The following USF3 variants were observed in gnomAD, a reference collection of about 807,000 sequenced individuals.
USF3 encodes the protein upstream transcription factor family member 3.
Under a neutral mutation model 157.5 loss-of-function variants are expected in USF3, and 29 were observed. That is an observed-to-expected ratio of 0.18 (90% CI 0.14 to 0.25). USF3 has a LOEUF of 0.25. Ranked by LOEUF, USF3 falls within the 10% of genes least tolerant of loss-of-function variation. The probability of loss-of-function intolerance (pLI) is 1.00; values close to 1 mark genes in which losing one functional copy is unlikely to be tolerated. For synonymous variants in USF3, 893 were observed against 941.4 expected (o/e 0.95, Z 0.94); for missense variants, 2,381 against 2,667.6 (o/e 0.89, Z 2.37).
At position 113,656,096 on chromosome 3, in the gene USF3, A is replaced by T. The variant is rs369480361; in HGVS notation, c.5586T>A (p.His1862Gln). ...TCTCTCTTCTAATATGGACATTTTCATGAGTTGGGGGACAATTATATTCAA... is the reference window on the plus strand; with the variant it reads ...TCTCTCTTCTAATATGGACATTTTCTTGAGTTGGGGGACAATTATATTCAA... The part of the protein sequence containing the change: ...SAIEYNCPPT[H>Q]ENVHIRRESE... Residue 1862 changes from histidine to glutamine, a missense_variant, in exon 7 of 7, where the codon CAT becomes CAA. By Grantham distance (24) the His-to-Gln change is conservative. Coordinates refer to ENST00000316407, the MANE Select transcript of USF3 (RefSeq NM_001009899.4). 1 of 1,614,168 alleles carries T rather than the reference A, an allele frequency of 6.2e-7. No individual in the cohort carries two copies. Among genetic ancestry groups the T allele is most frequent in the South Asian group, 1.1e-5 (1 of 91,086 alleles).
intron 5 of USF3, among the ~76,000 whole-genome samples, chr3:113,667,202 A>T (rs951446268): frequency 6.6e-5 from 10 of 152,238 alleles, no homozygotes; most frequent in African/African-American, 2.4e-4. Flanking sequence ...GAAAAATAAT[A>T]TTGTTCTTTT....
intron 4 of USF3, 52 bp downstream of exon 4, chr3:113,673,296 T>C (rs1253510378): frequency 8.0e-7 from 1 of 1,251,376 alleles, no homozygotes; most frequent in Non-Finnish European, 1.2e-6. Flanking sequence ...TGCAGTATGA[T>C]TTCATTTTGA....
rs1324157384 is a variant in USF3 at position 113,655,861 on chromosome 3, T to G, written c.5821A>C (p.Thr1941Pro). The change falls in exon 7 of 7, where the codon ACC (threonine) becomes CCC (proline). Residue 1941 changes from threonine (T) to proline (P), a missense_variant. By Grantham distance (38) the Thr-to-Pro change is conservative. Around this residue, in one of 6 missense-constraint regions of USF3, gnomAD observed 770 missense variants for 824.2 expected, o/e 0.93. Coordinates refer to ENST00000316407, the MANE Select transcript of USF3 (RefSeq NM_001009899.4). ...TKGHMNPPVT[T>P]NMHGVARPAL... Reference sequence around the variant, plus strand: ...GGCCTTGCAACCCCATGCATGTTGGTTGTGACTGGAGGGTTCATGTGGCCC... The same window carrying G: ...GGCCTTGCAACCCCATGCATGTTGGGTGTGACTGGAGGGTTCATGTGGCCC... The G allele has an allele frequency of 6.2e-7, 1 of 1,614,042 alleles. No individual in the cohort carries two copies. The highest frequency in any genetic ancestry group is 8.5e-7 in the Non-Finnish European group (1 of 1,180,026).
chr3:113,662,570 A>G (rs1003674006), intron 6 of USF3, among the ~76,000 whole-genome samples: 8 of 152,236 alleles, frequency 5.3e-5, no homozygotes, highest in Admixed American at 2.0e-4. Context: ...CATTTTTCTT[A>G]GTTTAAAACT....
intron 1 of USF3, among the ~76,000 whole-genome samples, chr3:113,688,837 G>C (rs530638063): frequency 6.6e-6 from 1 of 152,054 alleles, no homozygotes; most frequent in Non-Finnish European, 1.5e-5. Context: ...TCAGGAGATT[G>C]AGACCATCCT....
Position 113,673,374 on chromosome 3 carries a change from T to C in USF3, c.50A>G (p.Lys17Arg), listed in dbSNP as rs530581595. ...NETPTKKQHRKKNRETHNAVE... is the reference protein window; with the variant it reads ...NETPTKKQHRRKNRETHNAVE... Reference sequence around the variant, plus strand: ...TGCATTGTGTGTCTCCCGGTTTTTCTTTCTGAAACAAAAAGTACAGATAAA... The same window carrying C: ...TGCATTGTGTGTCTCCCGGTTTTTCCTTCTGAAACAAAAAGTACAGATAAA... The change falls in exon 4 of 7, where the codon AAG becomes AGG. Residue 17 changes from lysine (K) to arginine (R), a missense_variant and splice_region_variant. This residue lies in a region of USF3 where 105 missense variants were observed against 158.6 expected (regional missense o/e 0.66). Transcript: ENST00000316407. 1.0e-5 allele frequency: 16 copies of C among 1,596,652 alleles called. No homozygotes were observed. In the African/African-American group the frequency reaches 1.2e-4, roughly 12 times the overall value.
At position 113,658,167 on chromosome 3, in the gene USF3, C is replaced by T. The variant is rs1199712121; in HGVS notation, c.3515G>A (p.Gly1172Glu). 1 of 1,614,006 alleles carries T rather than the reference C, an allele frequency of 6.2e-7. No individual in the cohort carries two copies. The highest frequency in any genetic ancestry group is 1.3e-5 in the African/African-American group (1 of 74,894). ...TATCTGTGATTTGAAGGGTGGGTCT[C>T]CCTCTAACAATGATGCTTCAGAAGG... ...SKPSEASLLE[G>E]DPPFKSQIPK... Residue 1172 changes from glycine (G) to glutamate (E), a missense_variant, in exon 7 of 7, where the codon GGA (glycine) becomes GAA (glutamate). Around this residue, in one of 6 missense-constraint regions of USF3, gnomAD observed 1,435 missense variants for 1,550.9 expected, o/e 0.93. Transcript: ENST00000316407.
intron 6 of USF3, among the ~76,000 whole-genome samples, chr3:113,663,755 C>T (rs1167106426): frequency 1.3e-5 from 2 of 152,216 alleles, no homozygotes; most frequent in African/African-American, 4.8e-5. Flanking sequence ...AGAAAACTTT[C>T]TCTCCAATGC....
intron 6 of USF3, among the ~76,000 whole-genome samples, chr3:113,663,825 G>A (rs1351312031): frequency 2.0e-5 from 3 of 152,208 alleles, no homozygotes; most frequent in Non-Finnish European, 4.4e-5. Context: ...TAAGAATCAA[G>A]TATCATTAAA....
Position 113,657,501 on chromosome 3 carries a change from T to C in USF3, c.4181A>G (p.His1394Arg), listed in dbSNP as rs1248577918. 1 of 1,613,906 alleles carries C rather than the reference T, an allele frequency of 6.2e-7. No individual in the cohort carries two copies. The highest frequency in any genetic ancestry group is 2.2e-5 in the East Asian group (1 of 44,870). Reference protein sequence around the residue: ...NSVVPVSNPAHGDGLTRLFPP... With the variant: ...NSVVPVSNPARGDGLTRLFPP... ...AAATAATCGTGTAAGGCCATCTCCA[T>C]GAGCTGGGTTGCTAACAGGCACAAC... Residue 1394 changes from histidine (H) to arginine (R), a missense_variant, in exon 7 of 7, where the codon CAT becomes CGT. His to Arg is a conservative substitution (Grantham distance 29). Around this residue, in one of 6 missense-constraint regions of USF3, gnomAD observed 1,435 missense variants for 1,550.9 expected, o/e 0.93. Transcript: ENST00000316407.
chr3:113,652,839 T>G lies in USF3; in HGVS notation c.*2105A>C, dbSNP rs190350419. 2.7e-3 allele frequency: 575 copies of G among 216,936 alleles called. 5 individuals carry two copies. Among genetic ancestry groups the G allele is most frequent in the African/African-American group, 0.012 (526 of 42,532 alleles). The allele number at this position is 216,936 out of a possible 1,614,324, so 13.4% of individuals were successfully genotyped here. ...GGTGTAGTGGCACAGACCTGTAATC[T>G]CAGCTACTCGGGAGGCTGAGGCTCA... is the stretch of plus-strand genomic sequence containing the variant. On this transcript the variant is annotated 3_prime_UTR_variant, in exon 7 of 7. Coordinates refer to ENST00000316407, the MANE Select transcript of USF3 (RefSeq NM_001009899.4).
At chr3:113,680,195 T>C (rs1257729771) in intron 1 of USF3, among the ~76,000 whole-genome samples, 1 of 151,910 alleles carries the variant, frequency 6.6e-6, no homozygotes, top group Non-Finnish European at 1.5e-5. Flanking sequence ...CTTTAGATGT[T>C]TGGTAGAATT....
intron 1 of USF3, among the ~76,000 whole-genome samples, chr3:113,695,047 AAAAAAT>A (rs1377357495): frequency 6.6e-6 from 1 of 152,186 alleles, no homozygotes; most frequent in Non-Finnish European, 1.5e-5. Flanking sequence ...TCTGTCTCAA[AAAAAAT>A]AAAAGAAAGT....
Position 113,660,006 on chromosome 3 carries a change from C to G in USF3, c.1676G>C (p.Ser559Thr). 1 of 1,614,086 alleles carries G rather than the reference C, an allele frequency of 6.2e-7. No homozygotes were observed. Among genetic ancestry groups the G allele is most frequent in the Non-Finnish European group, 8.5e-7 (1 of 1,179,998 alleles). ...NQNVIILQPP[S>T]TTPCPTVMRA... Reference sequence around the variant, plus strand: ...CATCACTGTTGGGCATGGGGTGGTGCTAGGTGGCTGAAGAATTATAACATT... The same window carrying G: ...CATCACTGTTGGGCATGGGGTGGTGGTAGGTGGCTGAAGAATTATAACATT... Residue 559 changes from serine (S) to threonine (T), a missense_variant, in exon 7 of 7, where the codon AGC becomes ACC. By Grantham distance (58) the Ser-to-Thr change is moderately conservative. Around this residue, in one of 6 missense-constraint regions of USF3, gnomAD observed 1,435 missense variants for 1,550.9 expected, o/e 0.93. Transcript: ENST00000316407.
intron 1 of USF3, among the ~76,000 whole-genome samples, chr3:113,678,542 TA>T (rs1707334697): frequency 6.6e-6 from 1 of 152,132 alleles, no homozygotes; most frequent in Non-Finnish European, 1.5e-5. Context: ...TAAAATTATT[TA>T]TAGGTACAAT....
At position 113,655,822 on chromosome 3, in the gene USF3, G is replaced by C. The variant is rs567400661; in HGVS notation, c.5860C>G (p.Pro1954Ala). The change falls in exon 7 of 7, where the codon CCA becomes GCA. Residue 1954 changes from proline to alanine, a missense_variant. This residue lies in a region of USF3 where 770 missense variants were observed against 824.2 expected (regional missense o/e 0.93). Coordinates refer to ENST00000316407, the MANE Select transcript of USF3 (RefSeq NM_001009899.4). ...TCGCCATTTCCATGAGACACAGATG[G>C]ATGTGGCAACGCTGGCCTTGCAACC... is the stretch of plus-strand genomic sequence containing the variant. Reference protein sequence around the residue: ...HGVARPALPHPSVSHGNGDQG... With the variant: ...HGVARPALPHASVSHGNGDQG... 3.1e-6 allele frequency: 5 copies of C among 1,614,170 alleles called. No homozygotes were observed. Among genetic ancestry groups the C allele is most frequent in the Non-Finnish European group, 4.2e-6 (5 of 1,180,036 alleles).
intron 5 of USF3, among the ~76,000 whole-genome samples, chr3:113,666,264 T>TC (rs1947564905): frequency 6.9e-6 from 1 of 144,400 alleles, no homozygotes; most frequent in Non-Finnish European, 1.5e-5. Context: ...TTTTTTTTTT[T>TC]TTTTTGAGAC....
chr3:113,687,486 T>C (rs553324165), intron 1 of USF3, among the ~76,000 whole-genome samples: 1 of 152,320 alleles, frequency 6.6e-6, no homozygotes, highest in Admixed American at 6.5e-5. Flanking sequence ...AGCTATTAAA[T>C]AAATCTATGT....
intron 5 of USF3, among the ~76,000 whole-genome samples, chr3:113,669,274 A>T (rs2107936752): frequency 6.6e-6 from 1 of 152,168 alleles, no homozygotes; most frequent in African/African-American, 2.4e-5. Context: ...TGAAAAATTC[A>T]GATACAGCAA....
Sources: gnomAD v4.1 joint callset for allele counts (sites outside exome capture counted in the v4.1 genomes callset) on GRCh38, gnomAD v4.1.1 for gene constraint, gnomAD v4.1.1 regional missense constraint, MANE v1.5 for transcripts, NCBI Gene and HGNC (gene_info 2026-07-23, HGNC 2026-07-21) for gene names.